The following DVL1 variants were observed in gnomAD, a reference collection of about 807,000 sequenced individuals.
DVL1 encodes the protein segment polarity protein dishevelled homolog DVL-1.
Under a neutral mutation model 65.0 loss-of-function variants are expected in DVL1, and 49 were observed. That is an observed-to-expected ratio of 0.75 (90% confidence interval 0.60 to 0.96). The LOEUF (loss-of-function observed/expected upper bound fraction) is 0.96, where lower values mean the gene tolerates loss of function less well. Among genes scored for constraint, DVL1 ranks in the 40% least tolerant of loss-of-function variants. The pLI, the probability that DVL1 is intolerant of heterozygous loss-of-function variation, is 0.00. For synonymous variants in DVL1, 608 were observed against 433.9 expected, an observed-to-expected ratio of 1.40 and a Z score of -4.99; for missense variants, 1,197 against 1,045.4, an observed-to-expected ratio of 1.15 and a Z score of -2.00.
At position 1,336,005 on chromosome 1, in the gene DVL1, G is replaced by C; in HGVS notation, c.*137C>G. ...GGAGCTGGAGCAGCCAGGCTGCCAG[G>C]GCAGATGGTGGTGGTCCAGCCTGCC... On this transcript the variant is annotated 3_prime_UTR_variant, in exon 15 of 15. Transcript: ENST00000378888. 8.3e-7 allele frequency: 1 copy of C among 1,203,034 alleles called. No individual in the cohort carries two copies. Among genetic ancestry groups the C allele is most frequent in the Non-Finnish European group, 1.1e-6 (1 of 874,034 alleles). 74.5% of individuals were successfully genotyped at this position (1,203,034 alleles called of 1,614,324 possible). A position where few individuals can be genotyped will look rare whatever the true frequency, so the allele number is the denominator to read the frequency against.
chr1:1,338,235 C>CCCCCCCCCCCCAG, intron 13 of DVL1, 34 bp downstream of exon 13: 2 of 1,517,860 alleles, frequency 1.3e-6, no homozygotes, highest in Non-Finnish European at 1.8e-6. Context: ...GCGTTCCCCT[C>CCCCCCCCCCCCAG]CCCCCCGCCC....
chr1:1,340,502 G>C lies in DVL1; in HGVS notation c.607C>G (p.Leu203Val), dbSNP rs148942048. 8.1e-6 allele frequency: 13 copies of C among 1,601,264 alleles called. No individual in the cohort carries two copies. The Admixed American group carries it at 1.9e-4, about 24-fold the overall frequency. ...DSDEDGSTSR[L>V]SSSTEQSTSS... ...GTGCTCTGCTCCGTGGAGCTGCTGAGCCTGGGAACAGACTGTCAGAGCTCA... is the reference window on the plus strand; with the variant it reads ...GTGCTCTGCTCCGTGGAGCTGCTGACCCTGGGAACAGACTGTCAGAGCTCA... Residue 203 changes from leucine to valine, a missense_variant and splice_region_variant, in exon 6 of 15, where the codon CTC becomes GTC. By Grantham distance (32) the Leu-to-Val change is conservative. Coordinates refer to ENST00000378888, the MANE Select transcript of DVL1 (RefSeq NM_001330311.2).
rs774148300 is a variant in DVL1, at chr1:1,342,777, G to A, written c.171-19C>T. On this transcript the variant is annotated intron_variant, in intron 1 of 14. Coordinates refer to ENST00000378888, the MANE Select transcript of DVL1 (RefSeq NM_001330311.2). The stretch of plus-strand genomic sequence containing the variant: ...CACCACCCTGTGGGCATATGCTGCC[G>A]TGAGGCCCCACCTGGGGGGCCCAAC... The A allele has an allele frequency of 1.2e-5, 19 of 1,611,936 alleles. No homozygotes were observed. Among genetic ancestry groups the A allele is most frequent in the African/African-American group, 6.7e-5 (5 of 74,884 alleles).
chr1:1,345,133 C>A (rs1323103709), intron 1 of DVL1, among the ~76,000 whole-genome samples: 4 of 151,996 alleles, frequency 2.6e-5, no homozygotes, highest in African/African-American at 9.7e-5. Flanking sequence ...GTGGCCCAAG[C>A]CCGCATGGCC....
chr1:1,339,571 G>T lies in DVL1; in HGVS notation c.1054+11C>A. The T allele has an allele frequency of 6.2e-7, 1 of 1,603,522 alleles. No individual in the cohort carries two copies. The highest frequency in any genetic ancestry group is 8.5e-7 in the Non-Finnish European group (1 of 1,175,296). ...CCCCATCCCGCCCCGTGTGCCCCGAGGGCCACTCACCCCGTGGGACGGTGA... is the reference window on the plus strand; with the variant it reads ...CCCCATCCCGCCCCGTGTGCCCCGATGGCCACTCACCCCGTGGGACGGTGA... On this transcript the variant is annotated intron_variant, in intron 10 of 14. Transcript: ENST00000378888.
At chr1:1,336,627 G>C (rs1643585887) in intron 14 of DVL1, 112 bp from the exon 15 acceptor site, 1 of 1,364,396 alleles carries the variant, frequency 7.3e-7, no homozygotes, top group Non-Finnish European at 9.5e-7. Context: ...GTGCAGGACG[G>C]GTGGGTGGGG....
rs1429879756 is a variant in DVL1 at position 1,349,073 on chromosome 1, C to G, written c.-8G>C. On this transcript the variant is annotated 5_prime_UTR_variant, in exon 1 of 15. Transcript: ENST00000378888. The surrounding 1 kb of genome is among the most constrained non-coding windows in gnomAD (Gnocchi z 4.1). Reference sequence around the variant, plus strand: ...AATCTTGGTCTCCGCCATGGCGCGGCGGCGGCGCGGAGCCCGCGCGCTCAG... The same window carrying G: ...AATCTTGGTCTCCGCCATGGCGCGGGGGCGGCGCGGAGCCCGCGCGCTCAG... 7 of 1,467,218 alleles carry G rather than the reference C, an allele frequency of 4.8e-6. No homozygotes were observed. Among genetic ancestry groups the G allele is most frequent in the Non-Finnish European group, 6.4e-6 (7 of 1,099,710 alleles). 90.9% of individuals were successfully genotyped at this position (1,467,218 alleles called of 1,614,324 possible). A position where few individuals can be genotyped will look rare whatever the true frequency, so the allele number is the denominator to read the frequency against.
chr1:1,342,708 T>C lies in DVL1; in HGVS notation c.221A>G (p.Asn74Ser). Residue 74 changes from asparagine (N) to serine (S), a missense_variant, in exon 2 of 15, where the codon AAC becomes AGC. Coordinates refer to ENST00000378888, the MANE Select transcript of DVL1 (RefSeq NM_001330311.2). Reference protein sequence around the residue: ...FDDNAKLPCFNGRVVSWLVLA... With the variant: ...FDDNAKLPCFSGRVVSWLVLA... ...GCTCACCCAGGAGACCACGCGGCCG[T>C]TGAAGCAGGGAAGCTTGGCATTGTC... is the stretch of plus-strand genomic sequence containing the variant. 1 of 1,613,038 alleles carries C rather than the reference T, an allele frequency of 6.2e-7. No homozygotes were observed. Among genetic ancestry groups the C allele is most frequent in the Non-Finnish European group, 8.5e-7 (1 of 1,179,772 alleles).
Position 1,339,780 on chromosome 1 carries a change from A to G in DVL1, c.942T>C (p.Asn314=), listed in dbSNP as rs747671761. ...CCCGCAGCACCCGCACGGCATCGTC[A>G]TTGCTCATGTTCTCAAAGTTCACGT... is the stretch of plus-strand genomic sequence containing the variant. ...VNDVNFENMS[N]DDAVRVLREI... Residue 314 remains asparagine (N), a synonymous_variant, in exon 9 of 15, where the codon AAT becomes AAC. Coordinates refer to ENST00000378888, the MANE Select transcript of DVL1 (RefSeq NM_001330311.2). The G allele has an allele frequency of 6.2e-6, 10 of 1,612,190 alleles. No individual in the cohort carries two copies. The East Asian group carries it at 1.1e-4, about 18-fold the overall frequency.
Position 1,348,937 on chromosome 1 carries a change from G to T in DVL1, c.129C>A (p.His43Gln). ...FKNVLSNRPV[H>Q]AYKFFFKSMD... ...TGGACTTAAAGAAGAATTTGTAGGC[G>T]TGCACGGGCCGGTTGCTGAGCACGT... is the stretch of plus-strand genomic sequence containing the variant. Residue 43 changes from histidine to glutamine, a missense_variant, in exon 1 of 15, where the codon CAC becomes CAA. His to Gln is a conservative substitution (Grantham distance 24). Transcript: ENST00000378888. 1 of 1,573,324 alleles carries T rather than the reference G, an allele frequency of 6.4e-7. No homozygotes were observed. The highest frequency in any genetic ancestry group is 8.6e-7 in the Non-Finnish European group (1 of 1,156,366).
intron 5 of DVL1, among the ~76,000 whole-genome samples, chr1:1,341,145 AC>A (rs1643806293): frequency 7.0e-6 from 1 of 143,180 alleles, no homozygotes; most frequent in Non-Finnish European, 1.5e-5. Context: ...CTGCACGCAC[AC>A]CTTCACATAC....
chr1:1,336,398 C>G lies in DVL1; in HGVS notation c.1832G>C (p.Gly611Ala), dbSNP rs377142799. 1.8e-5 allele frequency: 28 copies of G among 1,599,198 alleles called. No individual in the cohort carries two copies. Among genetic ancestry groups the G allele is most frequent in the Non-Finnish European group, 2.3e-5 (27 of 1,178,556 alleles). The change falls in exon 15 of 15, where the codon GGG (glycine) becomes GCG (alanine). Residue 611 changes from glycine (G) to alanine (A), a missense_variant. Coordinates refer to ENST00000378888, the MANE Select transcript of DVL1 (RefSeq NM_001330311.2). ...GSESDHTAPSGVGSSWRERPA... is the reference protein window; with the variant it reads ...GSESDHTAPSAVGSSWRERPA... The stretch of plus-strand genomic sequence containing the variant: ...ACGCTCTCGCCAGCTGCTCCCCACC[C>G]CACTCGGTGCCGTGTGATCCGATTC...
Position 1,342,863 on chromosome 1 carries a change from T to G in DVL1, c.171-105A>C, listed in dbSNP as rs1477006199. Reference sequence around the variant, plus strand: ...GCTCCTCCTGCCCACACAATGTCACTCTGTGGACACCCCTGCTAGCGCATT... The same window carrying G: ...GCTCCTCCTGCCCACACAATGTCACGCTGTGGACACCCCTGCTAGCGCATT... On this transcript the variant is annotated intron_variant, in intron 1 of 14. Coordinates refer to ENST00000378888, the MANE Select transcript of DVL1 (RefSeq NM_001330311.2). 8 of 1,060,640 alleles carry G rather than the reference T, an allele frequency of 7.5e-6. No homozygotes were observed. The African/African-American group carries it at 1.3e-4, about 17-fold the overall frequency. 65.7% of individuals were successfully genotyped at this position (1,060,640 alleles called of 1,614,324 possible). A position where few individuals can be genotyped will look rare whatever the true frequency, so the allele number is the denominator to read the frequency against.
In DVL1 at chr1:1,340,076, C is replaced by A. The variant is rs756546606; in HGVS notation, c.871G>T (p.Ala291Ser). Reference protein sequence around the residue: ...GSIMKGGAVAADGRIEPGDML... With the variant: ...GSIMKGGAVASDGRIEPGDML... ...TCGCCGGGCTCGATGCGGCCGTCAG[C>A]GGCCACAGCCCCGCCCTTCATGATG... The change falls in exon 8 of 15, where the codon GCT becomes TCT. Residue 291 changes from alanine (A) to serine (S), a missense_variant. By Grantham distance (99) the Ala-to-Ser change is moderately conservative (BLOSUM62 1). Transcript: ENST00000378888. The A allele has an allele frequency of 6.2e-7, 1 of 1,613,014 alleles. No individual in the cohort carries two copies. Among genetic ancestry groups the A allele is most frequent in the Admixed American group, 1.7e-5 (1 of 60,006 alleles).
At chr1:1,343,710 C>A (rs910580558) in intron 1 of DVL1, among the ~76,000 whole-genome samples, 53 of 152,256 alleles carry the variant, frequency 3.5e-4, no homozygotes, top group African/African-American at 1.3e-3. Flanking sequence ...GACTCTCAGA[C>A]CCGACGGACG....
In DVL1 at chr1:1,339,321, G is replaced by T. The variant is rs1186975026; in HGVS notation, c.1173C>A (p.Ser391=). ...CAGGCACGGAGCTGGTTAGTGAGGA[G>T]GAGCTGGTGCGCGTGACGGCGCTGG... ...PCSSAVTRTS[S]SSLTSSVPGA... is the part of the protein sequence containing the mutation. Residue 391 remains serine, a synonymous_variant, in exon 11 of 15, where the codon TCC becomes TCA. Coordinates refer to ENST00000378888, the MANE Select transcript of DVL1 (RefSeq NM_001330311.2). The T allele has an allele frequency of 7.7e-6, 12 of 1,548,516 alleles. No individual in the cohort carries two copies. The highest frequency in any genetic ancestry group is 9.6e-6 in the Non-Finnish European group (11 of 1,146,906).
rs371760907 is a variant in DVL1 at position 1,340,330 on chromosome 1, G to A, written c.700-14C>T. ...GAAGGAGGAGGCCTATGGAGGAGAG[G>A]GGGCGTGTGTAAAAGGCACGGGGCT... On this transcript the variant is annotated splice_polypyrimidine_tract_variant and intron_variant, in intron 6 of 14. Transcript: ENST00000378888. 2.6e-5 allele frequency: 42 copies of A among 1,613,780 alleles called. No individual in the cohort carries two copies. Among genetic ancestry groups the A allele is most frequent in the South Asian group, 2.3e-4 (21 of 91,088 alleles).
intron 13 of DVL1, 37 bp downstream of exon 13, chr1:1,338,232 C>G: frequency 1.1e-6 from 1 of 917,106 alleles, no homozygotes; most frequent in Non-Finnish European, 1.7e-6. Context: ...CCGGCGTTCC[C>G]CTCCCCCCCG....
At chr1:1,336,712 G>C (rs923629124) in intron 14 of DVL1, among the ~76,000 whole-genome samples, 197 bp from the exon 15 acceptor site, 1 of 152,206 alleles carries the variant, frequency 6.6e-6, no homozygotes, top group African/African-American at 2.4e-5. Context: ...TGGGCTGGTG[G>C]GGGCAGTGGG....
Sources: gnomAD v4.1 joint callset for allele counts (sites outside exome capture counted in the v4.1 genomes callset) on GRCh38, gnomAD v4.1.1 for gene constraint, Gnocchi (gnomAD v3.1) non-coding constraint, MANE v1.5 for transcripts, NCBI Gene and HGNC (gene_info 2026-07-23, HGNC 2026-07-21) for gene names.